Variants in TRIP11 observed in about 807,000 individuals in gnomAD.
TRIP11 encodes the protein thyroid receptor-interacting protein 11.
Under a neutral mutation model 223.1 loss-of-function variants are expected in TRIP11, and 148 were observed. The ratio of observed to expected loss-of-function variants is 0.66; its 90% CI spans 0.58 to 0.76. The LOEUF (loss-of-function observed/expected upper bound fraction) is 0.76, where lower values mean the gene tolerates loss of function less well. Ranked by LOEUF, TRIP11 falls within the 30% of genes least tolerant of loss-of-function variation. The pLI is 0.00. For synonymous variants in TRIP11, 762 were observed against 772.6 expected, an observed-to-expected ratio of 0.99 and a Z score of 0.23; for missense variants, 2,043 against 2,222.0, an observed-to-expected ratio of 0.92 and a Z score of 1.62.
chr14:91,993,902 A>C lies in TRIP11; in HGVS notation c.5067T>G (p.Ala1689=). Residue 1689 remains alanine, a synonymous_variant, in exon 15 of 21, where the codon GCT becomes GCG. Coordinates refer to ENST00000267622, the MANE Select transcript of TRIP11 (RefSeq NM_004239.4). The part of the protein sequence containing the change: ...VLEHFQQEEK[A]MYSAELEKQK... Reference sequence around the variant, plus strand: ...GCTTTTCGAGTTCAGCAGAATACATAGCTTTTTCCTCTAAAGAGAAAAGAA... The same window carrying C: ...GCTTTTCGAGTTCAGCAGAATACATCGCTTTTTCCTCTAAAGAGAAAAGAA... 6.2e-7 allele frequency: 1 copy of C among 1,612,678 alleles called. No individual in the cohort carries two copies. The highest frequency in any genetic ancestry group is 1.1e-5 in the South Asian group (1 of 91,030).
chr14:91,975,220 T>C lies in TRIP11; in HGVS notation c.5409A>G (p.Leu1803=). ...HTPKNQRHEV[L]RLMGSILGVR... ...CGCCCAGGATGCTCCCCATTAACCG[T>C]AACACTTCATGACGCTGATTTTTCG... The change falls in exon 18 of 21, where the codon TTA becomes TTG. Residue 1803 remains leucine, a synonymous_variant. Transcript: ENST00000267622. 6.2e-7 allele frequency: 1 copy of C among 1,613,828 alleles called. No individual in the cohort carries two copies. Among genetic ancestry groups the C allele is most frequent in the Non-Finnish European group, 8.5e-7 (1 of 1,179,818 alleles).
chr14:91,988,367 G>C lies in TRIP11; in HGVS notation c.5177C>G (p.Ala1726Gly), dbSNP rs767004056. ...VISLQECLDE[A>G]NAALDSASRL... ...TGATGCTGAATCCAATGCAGCATTT[G>C]CTTCATCCAAACATTCCTGAGAAAG... Residue 1726 changes from alanine (A) to glycine (G), a missense_variant, in exon 16 of 21, where the codon GCA becomes GGA. By Grantham distance (60) the Ala-to-Gly change is moderately conservative (BLOSUM62 0). Coordinates refer to ENST00000267622, the MANE Select transcript of TRIP11 (RefSeq NM_004239.4). The C allele has an allele frequency of 1.2e-6, 2 of 1,613,580 alleles. No homozygotes were observed. Among genetic ancestry groups the C allele is most frequent in the South Asian group, 1.1e-5 (1 of 91,032 alleles).
chr14:91,999,274 G>T lies in TRIP11; in HGVS notation c.4858C>A (p.Leu1620Ile), dbSNP rs2056789911. 6.8e-6 allele frequency: 11 copies of T among 1,613,678 alleles called. No individual in the cohort carries two copies. The highest frequency in any genetic ancestry group is 9.3e-6 in the Non-Finnish European group (11 of 1,179,852). The change falls in exon 13 of 21, where the codon CTA (leucine) becomes ATA (isoleucine). Residue 1620 changes from leucine (L) to isoleucine (I), a missense_variant. Physicochemically the swap from Leu to Ile is conservative, Grantham distance 5. Coordinates refer to ENST00000267622, the MANE Select transcript of TRIP11 (RefSeq NM_004239.4). Reference sequence around the variant, plus strand: ...TCCATTGCATTAGAGGATGAAACTAGCTTTTCCTCCAATACTGTGACTTTC... The same window carrying T: ...TCCATTGCATTAGAGGATGAAACTATCTTTTCCTCCAATACTGTGACTTTC... ...RKKVTVLEEK[L>I]VSSSNAMENA... is the part of the protein sequence containing the mutation.
chr14:92,012,045 T>C (rs1047578065), intron 7 of TRIP11, among the ~76,000 whole-genome samples: 4 of 152,210 alleles, frequency 2.6e-5, no homozygotes, highest in Non-Finnish European at 4.4e-5. Flanking sequence ...TGAAATTGTA[T>C]TGTAGATGAG....
chr14:92,025,244 A>T (rs1014588569), intron 3 of TRIP11, 66 bp downstream of exon 3: 2 of 1,214,934 alleles, frequency 1.6e-6, no homozygotes, highest in Non-Finnish European at 2.4e-6. Context: ...TTTATATTCT[A>T]ACTCTAAAAA....
chr14:92,001,336 T>C lies in TRIP11; in HGVS notation c.4558-1228A>G, dbSNP rs540846840. Among the ~76,000 whole-genome samples, 55 of 151,896 alleles carry C rather than the reference T, an allele frequency of 3.6e-4. 1 individual carries two copies. In the South Asian group the frequency reaches 0.011, roughly 30 times the overall value. ...CAATCTGTTCCTTTAATATTAACAC[T>C]TCTGGATAGGGAGGCCAATATTTTC... On this transcript the variant is annotated intron_variant, in intron 11 of 20. Transcript: ENST00000267622.
At position 91,993,818 on chromosome 14, in the gene TRIP11, T is replaced by C. The variant is rs1841935261; in HGVS notation, c.5151A>G (p.Ile1717Met). 1 of 1,612,734 alleles carries C rather than the reference T, an allele frequency of 6.2e-7. No homozygotes were observed. Among genetic ancestry groups the C allele is most frequent in the African/African-American group, 1.3e-5 (1 of 74,906 alleles). ...AACTATTTTGTCCTACCTGTAATGATATCACTTTTCCTTCCAGATTTTCTG... is the reference window on the plus strand; with the variant it reads ...AACTATTTTGTCCTACCTGTAATGACATCACTTTTCCTTCCAGATTTTCTG... ...KNAENLEGKV[I>M]SLQECLDEAN... The change falls in exon 15 of 21, where the codon ATA (isoleucine) becomes ATG (methionine). Residue 1717 changes from isoleucine (I) to methionine (M), a missense_variant. Transcript: ENST00000267622.
intron 2 of TRIP11, chr14:92,026,876 G>C (rs1158013989): frequency 1.3e-6 from 2 of 1,517,646 alleles, no homozygotes; most frequent in East Asian, 4.7e-5. Context: ...GAAGACCGAC[G>C]AGGATGACTA....
intron 16 of TRIP11, 32 bp downstream of exon 16, chr14:91,988,252 A>G (rs780830608): frequency 6.5e-7 from 1 of 1,528,730 alleles, no homozygotes; most frequent in African/African-American, 1.4e-5. Context: ...TCAGTATTGT[A>G]GTGGGGGAAA....
chr14:91,985,212 C>T (rs2140094461), intron 16 of TRIP11, among the ~76,000 whole-genome samples: 1 of 151,806 alleles, frequency 6.6e-6, no homozygotes, highest in South Asian at 2.1e-4. Context: ...AATTACTAAC[C>T]TACGGGGTAT....
intron 16 of TRIP11, among the ~76,000 whole-genome samples, chr14:91,982,126 G>T (rs1041420977): frequency 6.6e-6 from 1 of 151,942 alleles, no homozygotes; most frequent in Non-Finnish European, 1.5e-5. Flanking sequence ...ACCAAATTTG[G>T]ATTATTCACC....
At position 92,031,852 on chromosome 14, in the gene TRIP11, G is replaced by A. The variant is rs532620434; in HGVS notation, c.201+1340C>T. On this transcript the variant is annotated intron_variant, in intron 2 of 20. Coordinates refer to ENST00000267622, the MANE Select transcript of TRIP11 (RefSeq NM_004239.4). ...TTTTGATACAAGGTCTCACTCTGTT[G>A]CCCGGGCTGGAATACAGTGGCAGGA... Among the ~76,000 whole-genome samples, 12 of 151,988 alleles carry A rather than the reference G, an allele frequency of 7.9e-5. 1 individual carries two copies. The South Asian group carries it at 1.9e-3, about 24-fold the overall frequency.
chr14:91,989,613 T>G (rs189355200), intron 15 of TRIP11, among the ~76,000 whole-genome samples: 1 of 151,536 alleles, frequency 6.6e-6, no homozygotes, highest in Non-Finnish European at 1.5e-5. Context: ...AGGTCAAGTT[T>G]TGCCATCTTC....
chr14:92,036,944 A>G (rs1442882658), intron 1 of TRIP11, among the ~76,000 whole-genome samples: 2 of 152,168 alleles, frequency 1.3e-5, no homozygotes, highest in East Asian at 3.8e-4. Flanking sequence ...TGCCCAGGCT[A>G]GTCCTCAACT....
intron 6 of TRIP11, among the ~76,000 whole-genome samples, 153 bp from the exon 7 acceptor site, chr14:92,014,730 G>A (rs992245770): frequency 6.6e-6 from 1 of 152,146 alleles, no homozygotes; most frequent in Admixed American, 6.5e-5. Flanking sequence ...AAATAAATAA[G>A]TTGGGGGAAA....
chr14:92,029,309 T>TTTTTTTTA (rs1385592807), intron 2 of TRIP11, among the ~76,000 whole-genome samples: 12 of 86,892 alleles, frequency 1.4e-4, no homozygotes, highest in African/African-American at 4.6e-4. Flanking sequence ...TTTTTTTTTT[T>TTTTTTTTA]TTTTGAGATG....
intron 9 of TRIP11, 142 bp from the exon 10 acceptor site, chr14:92,007,994 T>C: frequency 1.5e-6 from 1 of 674,048 alleles, no homozygotes; most frequent in East Asian, 2.7e-5. Context: ...TCAATAATTG[T>C]ATGTGAAATT....
At chr14:92,001,969 C>G (rs188431274) in intron 11 of TRIP11, among the ~76,000 whole-genome samples, 3 of 152,290 alleles carry the variant, frequency 2.0e-5, no homozygotes, top group Admixed American at 2.0e-4. Flanking sequence ...TAATCCAAGA[C>G]TCTAAGAGGG....
chr14:92,005,359 T>C lies in TRIP11; in HGVS notation c.2617A>G (p.Arg873Gly). The change falls in exon 11 of 21, where the codon AGG (arginine) becomes GGG (glycine). Residue 873 changes from arginine to glycine, a missense_variant. By Grantham distance (125) the Arg-to-Gly change is moderately radical. Transcript: ENST00000267622. ...GGTGCGGTTCGACTCTGCTCTTCCC[T>C]GAGTCGTTCCAATTCTTCTTGCAGA... Reference protein sequence around the residue: ...NHLQEELERLREEQSRTAPVA... With the variant: ...NHLQEELERLGEEQSRTAPVA... 6.2e-7 allele frequency: 1 copy of C among 1,614,230 alleles called. No individual in the cohort carries two copies.
Sources: allele counts gnomAD v4.1 joint callset (sites outside exome capture counted in the v4.1 genomes callset), GRCh38; gene constraint gnomAD v4.1.1; transcripts MANE v1.5; gene names NCBI Gene and HGNC (gene_info 2026-07-23, HGNC 2026-07-21).